The following PKIB variants were observed in gnomAD, a reference collection of about 807,000 sequenced individuals.
The protein encoded by PKIB is PKI-beta.
A neutral mutation model predicts 4.5 loss-of-function variants in PKIB; 2 were observed. That is an observed-to-expected ratio of 0.44 (90% confidence interval 0.18 to 1.39). The LOEUF (loss-of-function observed/expected upper bound fraction) is 1.39, where lower values mean the gene tolerates loss of function less well. Ranked by LOEUF, PKIB falls within the 40% of genes most tolerant of loss-of-function variation. The probability of loss-of-function intolerance (pLI) is 0.27; values close to 1 mark genes in which losing one functional copy is unlikely to be tolerated. For synonymous variants in PKIB, 38 were observed against 36.0 expected (o/e 1.06, Z -0.20); for missense variants, 94 against 92.6 (o/e 1.02, Z -0.06).
chr6:122,644,502 A>C (rs189757726), intron 2 of PKIB: 1 of 152,266 alleles, frequency 6.6e-6, no homozygotes, highest in African/African-American at 2.4e-5. Context: ...AAATTAACTT[A>C]ATCTCTCTGT....
intron 2 of PKIB, among the ~76,000 whole-genome samples, chr6:122,496,639 T>A (rs1400587133): frequency 2.6e-5 from 4 of 152,152 alleles, no homozygotes; most frequent in African/African-American, 7.2e-5. Context: ...TTTTAGAGCT[T>A]GAAAACTATT....
intron 3 of PKIB, among the ~76,000 whole-genome samples, chr6:122,599,424 A>C (rs968832484): frequency 1.3e-5 from 2 of 152,182 alleles, no homozygotes; most frequent in Non-Finnish European, 2.9e-5. Flanking sequence ...GAGGCTGTGC[A>C]TGCATTTTTC....
chr6:122,501,376 G>A (rs938947979), intron 2 of PKIB, among the ~76,000 whole-genome samples: 1 of 152,212 alleles, frequency 6.6e-6, no homozygotes, highest in African/African-American at 2.4e-5. Context: ...GAGGTTCTCT[G>A]TGATGGCTCT....
chr6:122,653,574 G>A (rs1429770078), intron 2 of PKIB, among the ~76,000 whole-genome samples: 3 of 150,358 alleles, frequency 2.0e-5, no homozygotes, highest in Non-Finnish European at 3.0e-5. Context: ...ATTTGACTCC[G>A]AAACATGTAC....
intron 2 of PKIB, among the ~76,000 whole-genome samples, chr6:122,495,217 A>G (rs79836993): frequency 0.012 from 1,901 of 152,184 alleles, 44 homozygotes; most frequent in African/African-American, 0.044. Flanking sequence ...CATGCCACCA[A>G]TAGCAAAGTC....
chr6:122,518,412 G>T (rs1439352979), intron 2 of PKIB, among the ~76,000 whole-genome samples: 1 of 152,072 alleles, frequency 6.6e-6, no homozygotes, highest in Admixed American at 6.6e-5. Flanking sequence ...TTTTATTGGA[G>T]TTCATTAGTG....
upstream of PKIB, among the ~76,000 whole-genome samples, chr6:122,609,403 ATAATT>A (rs1254001588): frequency 6.6e-6 from 1 of 152,270 alleles, no homozygotes; most frequent in African/African-American, 2.4e-5. Context: ...TGAATATTGA[ATAATT>A]TAAAGAACTT....
intron 1 of PKIB, among the ~76,000 whole-genome samples, chr6:122,614,501 G>A (rs1039840946): frequency 2.5e-4 from 38 of 151,938 alleles, no homozygotes; most frequent in Non-Finnish European, 8.8e-5. Flanking sequence ...TCTTATCCCC[G>A]TGGGGGTGTG....
chr6:122,576,710 A>ATATATATATATATATATTTTT (rs59569106), intron 2 of PKIB, among the ~76,000 whole-genome samples: 3 of 109,984 alleles, frequency 2.7e-5, no homozygotes, highest in African/African-American at 1.2e-4. Context: ...ATATATATAT[A>ATATATATATATATATATTTTT]TTTTCTTTTG....
At chr6:122,582,441 T>C (rs1329946886) in intron 2 of PKIB, among the ~76,000 whole-genome samples, 2 of 152,094 alleles carry the variant, frequency 1.3e-5, no homozygotes, top group African/African-American at 4.8e-5. Flanking sequence ...GGCCAAAAAA[T>C]GTTTATATTC....
At chr6:122,568,507 T>G (rs1411986021) in intron 2 of PKIB, among the ~76,000 whole-genome samples, 1 of 152,006 alleles carries the variant, frequency 6.6e-6, no homozygotes, top group African/African-American at 2.4e-5. Context: ...CTGGAACAAA[T>G]TGAGGGAGTG....
At chr6:122,524,421 T>G (rs569905165) in intron 2 of PKIB, among the ~76,000 whole-genome samples, 1 of 152,170 alleles carries the variant, frequency 6.6e-6, no homozygotes, top group South Asian at 2.1e-4. Flanking sequence ...CTTTTGCTGC[T>G]TCTTCTTCAT....
chr6:122,662,615 C>T (rs765415784), intron 2 of PKIB, among the ~76,000 whole-genome samples: 2 of 151,940 alleles, frequency 1.3e-5, no homozygotes, highest in African/African-American at 2.4e-5. Context: ...CCACCGTGCT[C>T]GGCCTCTTTC....
intron 2 of PKIB, among the ~76,000 whole-genome samples, chr6:122,546,393 G>T (rs889198658): frequency 6.6e-6 from 1 of 151,832 alleles, no homozygotes; most frequent in South Asian, 2.1e-4. Context: ...GGGATGAGGT[G>T]GGGGCAGGTT....
At chr6:122,492,939 T>A (rs1331143192) in intron 2 of PKIB, among the ~76,000 whole-genome samples, 1 of 152,152 alleles carries the variant, frequency 6.6e-6, no homozygotes, top group Non-Finnish European at 1.5e-5. Context: ...TCAGAAGATA[T>A]GACTTTTATT....
chr6:122,649,961 C>A (rs1234450426), intron 2 of PKIB, among the ~76,000 whole-genome samples: 2 of 152,180 alleles, frequency 1.3e-5, no homozygotes, highest in Admixed American at 6.5e-5. Context: ...AAGAAGCTTA[C>A]ATGGCAGCTT....
chr6:122,662,537 C>T (rs1421220867), intron 2 of PKIB, among the ~76,000 whole-genome samples: 4 of 151,252 alleles, frequency 2.6e-5, no homozygotes, highest in Admixed American at 6.6e-5. Flanking sequence ...ACAGGCTGGT[C>T]TCGAACTCCT....
chr6:122,706,656 C>T (rs1008869040), intron 3 of PKIB, among the ~76,000 whole-genome samples: 14 of 152,168 alleles, frequency 9.2e-5, no homozygotes, highest in African/African-American at 2.6e-4. Flanking sequence ...GTTTCCTCAC[C>T]CTTAAAATGA....
intron 2 of PKIB, among the ~76,000 whole-genome samples, chr6:122,580,773 G>A (rs1773679896): frequency 6.6e-6 from 1 of 152,138 alleles, no homozygotes; most frequent in African/African-American, 2.4e-5. Flanking sequence ...ATCTGTTTTA[G>A]TGAGCCTCCA....
Sources: allele counts gnomAD v4.1 joint callset (sites outside exome capture counted in the v4.1 genomes callset), GRCh38; gene constraint gnomAD v4.1.1; transcripts MANE v1.5; gene names NCBI Gene and HGNC (gene_info 2026-07-23, HGNC 2026-07-21).